Variants in OSBPL5 observed in about 807,000 individuals in gnomAD.
The protein encoded by OSBPL5 is oxysterol binding protein like 5.
A neutral mutation model predicts 111.2 loss-of-function variants in OSBPL5; 71 were observed. The ratio of observed to expected loss-of-function variants is 0.64; its 90% CI spans 0.53 to 0.78. The LOEUF is 0.78. Ranked by LOEUF, OSBPL5 falls within the 30% of genes least tolerant of loss-of-function variation. The pLI is 0.00. For missense variants in OSBPL5, 1,210 were observed against 1,189.3 expected (o/e 1.02, Z -0.26); for synonymous variants, 549 against 513.9 (o/e 1.07, Z -0.93).
intron 14 of OSBPL5, among the ~76,000 whole-genome samples, chr11:3,096,361 G>C (rs559122820): frequency 6.6e-6 from 1 of 152,298 alleles, no homozygotes; most frequent in East Asian, 1.9e-4. Flanking sequence ...GCTCACGCCT[G>C]TAATCCCAGC....
intron 7 of OSBPL5, among the ~76,000 whole-genome samples, chr11:3,108,853 C>G (rs1200271327): frequency 6.6e-6 from 1 of 152,236 alleles, no homozygotes; most frequent in Admixed American, 6.5e-5. Flanking sequence ...ACCGCAACCT[C>G]TGCCTCCCGG....
intron 1 of OSBPL5, among the ~76,000 whole-genome samples, chr11:3,159,202 A>G (rs1476214448): frequency 1.3e-5 from 2 of 152,132 alleles, no homozygotes; most frequent in African/African-American, 4.8e-5. Context: ...TCTGCCCAGG[A>G]GACAGGTATG....
chr11:3,121,730 G>A lies in OSBPL5; in HGVS notation c.402+267C>T. 2.0e-6 allele frequency: 1 copy of A among 499,418 alleles called. No individual in the cohort carries two copies. The allele number at this position is 499,418 out of a possible 1,614,324, so 30.9% of individuals were successfully genotyped here. A position where few individuals can be genotyped will look rare whatever the true frequency, so the allele number is the denominator to read the frequency against. Reference sequence around the variant, plus strand: ...GCCAGGCCCCACCTTATTCGGAAATGGGGTCTTTGCAGACATAATCAGGTG... The same window carrying A: ...GCCAGGCCCCACCTTATTCGGAAATAGGGTCTTTGCAGACATAATCAGGTG... On this transcript the variant is annotated intron_variant, in intron 5 of 21. Coordinates refer to ENST00000263650, the MANE Select transcript of OSBPL5 (RefSeq NM_020896.4). The surrounding 1 kb of genome is among the most constrained non-coding windows in gnomAD (Gnocchi z 4.3).
Position 3,122,329 on chromosome 11 carries a change from TC to T in OSBPL5, c.300+18del, listed in dbSNP as rs1184591759. 5 of 1,609,360 alleles carry T rather than the reference TC, an allele frequency of 3.1e-6. No homozygotes were observed. The highest frequency in any genetic ancestry group is 4.2e-6 in the Non-Finnish European group (5 of 1,177,682). On this transcript the variant is annotated intron_variant, in intron 4 of 21. Coordinates refer to ENST00000263650, the MANE Select transcript of OSBPL5 (RefSeq NM_020896.4). Reference sequence around the variant, plus strand: ...GTCTGACAGTGACACTGCTGCACCCTCCCCGGGCCCGGGCTCACCTTGAGAG... The same window carrying T: ...GTCTGACAGTGACACTGCTGCACCCTCCCGGGCCCGGGCTCACCTTGAGAG...
At chr11:3,103,888 A>AGCCCCCTTCCAGCCTGTGCCGCCCCC (rs1564830906) in intron 10 of OSBPL5, among the ~76,000 whole-genome samples, 2 of 102,884 alleles carry the variant, frequency 1.9e-5, no homozygotes, top group Non-Finnish European at 1.9e-5. Context: ...CTGTAGCCCC[A>AGCCCCCTTCCAGCCTGTGCCGCCCCC]TTCCTGCCTC....
chr11:3,096,968 GAAAGAGGGGGAAGGTGGGAGGAGGAGA>G (rs1857279892), intron 14 of OSBPL5, among the ~76,000 whole-genome samples: 1 of 116,820 alleles, frequency 8.6e-6, no homozygotes, highest in Non-Finnish European at 1.8e-5. Context: ...AGGAGAAGAG[GAAAGAGGGGGAAGGTGGGAGGAGGAGA>G]AGAGGAAAGA....
rs1187796192 is a variant in OSBPL5, at chr11:3,105,088, G to T, written c.1060-711C>A. Among the ~76,000 whole-genome samples, 3 of 152,092 alleles carry T rather than the reference G, an allele frequency of 2.0e-5. No homozygotes were observed. Among genetic ancestry groups the T allele is most frequent in the African/African-American group, 4.8e-5 (2 of 41,406 alleles). The stretch of plus-strand genomic sequence containing the variant: ...GGCGGGGCTCCCCTTACTCACTCCA[G>T]ACTTGCACCTCACCGCAGCCCCAGG... On this transcript the variant is annotated intron_variant, in intron 9 of 21. Transcript: ENST00000263650. This position sits in a 1 kb window ranked among gnomAD's most constrained non-coding sequence, Gnocchi z 5.2.
At chr11:3,158,936 C>T (rs1037625968) in intron 1 of OSBPL5, among the ~76,000 whole-genome samples, 6 of 152,112 alleles carry the variant, frequency 3.9e-5, no homozygotes, top group East Asian at 1.9e-4. Context: ...GCCTTAGCCC[C>T]GCAGGTGTGG....
rs1225188235 is a variant in OSBPL5 at position 3,162,609 on chromosome 11, G to A, written c.-22+2607C>T. 1.3e-5 allele frequency among the ~76,000 whole-genome samples: 2 copies of A among 151,770 alleles called. No homozygotes were observed. The highest frequency in any genetic ancestry group is 4.8e-5 in the African/African-American group (2 of 41,268). On this transcript the variant is annotated intron_variant, in intron 1 of 21. Coordinates refer to ENST00000263650, the MANE Select transcript of OSBPL5 (RefSeq NM_020896.4). This position sits in a 1 kb window ranked among gnomAD's most constrained non-coding sequence, Gnocchi z 8.1. ...CGACCGCCAACCCTACCACTCTCCG[G>A]AGCAGCTTCACTATCTGCCCATACA...
intron 1 of OSBPL5, 182 bp from the exon 2 acceptor site, chr11:3,129,351 C>T (rs921214494): frequency 4.8e-5 from 23 of 474,918 alleles, no homozygotes; most frequent in African/African-American, 3.4e-4. Flanking sequence ...CCAGCTCAGG[C>T]GAATGGCTTT....
intron 1 of OSBPL5, among the ~76,000 whole-genome samples, chr11:3,131,874 C>CT (rs1440468029): frequency 2.6e-4 from 6 of 22,856 alleles, no homozygotes; most frequent in African/African-American, 8.1e-4. Context: ...TCCATCCATC[C>CT]ATCCACCCAT....
At chr11:3,128,948 G>T in intron 2 of OSBPL5, 65 bp downstream of exon 2, 3 of 1,386,624 alleles carry the variant, frequency 2.2e-6, no homozygotes, top group South Asian at 3.3e-5. Flanking sequence ...GGGTTGGGCC[G>T]CCCGGGGTCA....
intron 7 of OSBPL5, among the ~76,000 whole-genome samples, chr11:3,112,015 ATG>A (rs1388985761): frequency 3.0e-4 from 24 of 79,158 alleles, no homozygotes; most frequent in African/African-American, 4.1e-4. Flanking sequence ...GTGTGCGCGC[ATG>A]TGTGTGCATG....
In OSBPL5 at chr11:3,103,766, CCCCTT is replaced by C. The variant is rs1564829982; in HGVS notation, c.1244+422_1244+426del. Among the ~76,000 whole-genome samples, 327 of 82,978 alleles carry C rather than the reference CCCCTT, an allele frequency of 3.9e-3. 36 individuals are homozygous for C. Among genetic ancestry groups the C allele is most frequent in the South Asian group, 0.012 (26 of 2,140 alleles). 54.4% of individuals were successfully genotyped at this position (82,978 alleles called of 152,430 possible). A position where few individuals can be genotyped will look rare whatever the true frequency, so the allele number is the denominator to read the frequency against. On this transcript the variant is annotated intron_variant, in intron 10 of 21. Transcript: ENST00000263650. The stretch of plus-strand genomic sequence containing the variant: ...TGCAACCCTCTTCCAGCTCTGCAGC[CCCCTT>C]CCAGCCTCTGCAGTCCCTTCCTGCC...
intron 13 of OSBPL5, among the ~76,000 whole-genome samples, chr11:3,100,713 A>G (rs2134404486): frequency 6.6e-6 from 1 of 152,118 alleles, no homozygotes; most frequent in Non-Finnish European, 1.5e-5. Flanking sequence ...ACTTCCACAC[A>G]CCCAGCAGAG....
rs535335599 is a variant in OSBPL5 at position 3,117,754 on chromosome 11, T to C, written c.691+1793A>G. ...TTTCAATTTTTTTCCTTCATTTTTT[T>C]CCCATTTTTCCTAATTTGGAGTCGC... On this transcript the variant is annotated intron_variant, in intron 7 of 21. Transcript: ENST00000263650. Among the ~76,000 whole-genome samples, 20 of 152,256 alleles carry C rather than the reference T, an allele frequency of 1.3e-4. No homozygotes were observed. In the South Asian group the frequency reaches 1.7e-3, roughly 13 times the overall value.
intron 10 of OSBPL5, among the ~76,000 whole-genome samples, chr11:3,103,743 CAACCCTCTTCCAGCTCT>C (rs1564829763): frequency 7.8e-5 from 4 of 51,034 alleles, no homozygotes; most frequent in South Asian, 7.4e-4. Context: ...CCTGCCTCTG[CAACCCTCTTCCAGCTCT>C]GCAGCCCCCT....
At chr11:3,134,503 C>T (rs1489088930) in intron 1 of OSBPL5, among the ~76,000 whole-genome samples, 1 of 152,194 alleles carries the variant, frequency 6.6e-6, no homozygotes, top group Admixed American at 6.5e-5. Flanking sequence ...GTGAGCAGGG[C>T]TGGCCCCCCA....
Position 3,107,770 on chromosome 11 carries a change from C to T in OSBPL5, c.866+1G>A. On this transcript the variant is annotated splice_donor_variant, in intron 8 of 21. Coordinates refer to ENST00000263650, the MANE Select transcript of OSBPL5 (RefSeq NM_020896.4). LOFTEE classifies it high-confidence loss of function. The surrounding 1 kb of genome is among the most constrained non-coding windows in gnomAD (Gnocchi z 6.1). The stretch of plus-strand genomic sequence containing the variant: ...AGCCCCTGTGCCCTCGCCCCACTCA[C>T]GGGAACAGGTCTTGGTCTGGGTGGA... 5.0e-6 allele frequency: 8 copies of T among 1,611,496 alleles called. No homozygotes were observed. The highest frequency in any genetic ancestry group is 1.3e-5 in the African/African-American group (1 of 75,026).
Sources: gnomAD v4.1 joint callset for allele counts (sites outside exome capture counted in the v4.1 genomes callset) on GRCh38, gnomAD v4.1.1 for gene constraint, Gnocchi (gnomAD v3.1) non-coding constraint, MANE v1.5 for transcripts, NCBI Gene and HGNC (gene_info 2026-07-23, HGNC 2026-07-21) for gene names.